HUS1: variants seen among roughly 807,000 people sequenced by gnomAD.
HUS1 encodes checkpoint protein HUS1.
Under a neutral mutation model 32.6 loss-of-function variants are expected in HUS1, and 31 were observed. The observed-to-expected ratio is 0.95, with a 90% CI of 0.72 to 1.28. The LOEUF (loss-of-function observed/expected upper bound fraction) is 1.28, where lower values mean the gene tolerates loss of function less well. Among genes scored for constraint, HUS1 ranks in the 50% most tolerant of loss-of-function variants. The pLI is 0.00. For missense variants in HUS1, 340 were observed against 337.7 expected (o/e 1.01, Z -0.05); for synonymous variants, 123 against 116.6 (o/e 1.06, Z -0.36).
At chr7:47,978,178 G>C in intron 3 of HUS1, 1 of 419,832 alleles carries the variant, frequency 2.4e-6, no homozygotes, top group Non-Finnish European at 4.3e-6. Context: ...GAAACAGAGA[G>C]GCTGGAAGTT....
intron 7 of HUS1, among the ~76,000 whole-genome samples, chr7:47,965,805 CCCAA>C (rs1231570429): frequency 6.6e-6 from 1 of 152,174 alleles, no homozygotes; most frequent in Non-Finnish European, 1.5e-5. Context: ...GCCAGGATCC[CCCAA>C]CACCTGGGGC....
intron 5 of HUS1, among the ~76,000 whole-genome samples, chr7:47,972,194 T>C (rs1397965455): frequency 1.3e-5 from 2 of 152,244 alleles, no homozygotes; most frequent in African/African-American, 2.4e-5. Flanking sequence ...CCTTAGCTCA[T>C]TTGTTCCAAA....
intron 5 of HUS1, among the ~76,000 whole-genome samples, chr7:47,973,610 T>C (rs1182682146): frequency 2.0e-5 from 3 of 152,182 alleles, no homozygotes; most frequent in Non-Finnish European, 4.4e-5. Context: ...TTTCCTTAAT[T>C]CTACTGCCTG....
At position 47,965,303 on chromosome 7, in the gene HUS1, C is replaced by A. The variant is rs1481541050; in HGVS notation, c.*53G>T. The A allele has an allele frequency of 1.7e-6, 2 of 1,171,306 alleles. No homozygotes were observed. Among genetic ancestry groups the A allele is most frequent in the Admixed American group, 1.7e-5 (1 of 59,300 alleles). 72.6% of individuals were successfully genotyped at this position (1,171,306 alleles called of 1,614,324 possible). ...ACCAGTGATCAGAACACAACACCTGCGGCCTCTCCCATCCTGACAAAGTCT... is the reference window on the plus strand; with the variant it reads ...ACCAGTGATCAGAACACAACACCTGAGGCCTCTCCCATCCTGACAAAGTCT... On this transcript the variant is annotated 3_prime_UTR_variant, in exon 8 of 8. Transcript: ENST00000258774.
At position 47,979,529 on chromosome 7, in the gene HUS1, T is replaced by A. The variant is rs374651886; in HGVS notation, c.-10A>T. 5 of 1,602,412 alleles carry A rather than the reference T, an allele frequency of 3.1e-6. No individual in the cohort carries two copies. The highest frequency in any genetic ancestry group is 4.3e-6 in the Non-Finnish European group (5 of 1,175,724). On this transcript the variant is annotated 5_prime_UTR_variant, in exon 1 of 8. Transcript: ENST00000258774. ...TGGCCCGAAACTTCATGGCCGCGGATGGCGCAGCCGCGGCGGGCCTCTGTG... is the reference window on the plus strand; with the variant it reads ...TGGCCCGAAACTTCATGGCCGCGGAAGGCGCAGCCGCGGCGGGCCTCTGTG...
In HUS1 at chr7:47,979,548, C is replaced by T. The variant is rs770905260; in HGVS notation, c.-29G>A. On this transcript the variant is annotated 5_prime_UTR_variant, in exon 1 of 8. Coordinates refer to ENST00000258774, the MANE Select transcript of HUS1 (RefSeq NM_004507.4). ...CGCGGATGGCGCAGCCGCGGCGGGC[C>T]TCTGTGGGTAACAGAAAAGCGTCGC... 31 of 1,579,678 alleles carry T rather than the reference C, an allele frequency of 2.0e-5. No individual in the cohort carries two copies. The highest frequency in any genetic ancestry group is 2.6e-5 in the Non-Finnish European group (30 of 1,152,954).
intron 7 of HUS1, among the ~76,000 whole-genome samples, chr7:47,965,819 C>A (rs556188854): frequency 1.3e-5 from 2 of 152,190 alleles, no homozygotes; most frequent in Non-Finnish European, 2.9e-5. Flanking sequence ...ACACCTGGGG[C>A]AGGCTGTGTC....
At chr7:47,977,165 G>T (rs1285081178) in intron 3 of HUS1, among the ~76,000 whole-genome samples, 1 of 152,128 alleles carries the variant, frequency 6.6e-6, no homozygotes, top group Non-Finnish European at 1.5e-5. Context: ...CAGAGACCAG[G>T]GTGAGTGTGG....
At chr7:47,976,673 A>G (rs1001883004) in intron 4 of HUS1, 57 bp downstream of exon 4, 1 of 940,680 alleles carries the variant, frequency 1.1e-6, no homozygotes, top group Non-Finnish European at 1.7e-6. Context: ...AAAACTAGAG[A>G]ATTCAAGTCA....
rs1287136273 is a variant in HUS1, at chr7:47,965,319, G to GA, written c.*36dup. The GA allele has an allele frequency of 2.1e-6, 3 of 1,457,360 alleles. No homozygotes were observed. Among genetic ancestry groups the GA allele is most frequent in the South Asian group, 2.3e-5 (2 of 88,120 alleles). 90.3% of individuals were successfully genotyped at this position (1,457,360 alleles called of 1,614,324 possible). A position where few individuals can be genotyped will look rare whatever the true frequency, so the allele number is the denominator to read the frequency against. ...CAACACCTGCGGCCTCTCCCATCCTGACAAAGTCTCTGCATGCCAACTCCA... is the reference window on the plus strand; with the variant it reads ...CAACACCTGCGGCCTCTCCCATCCTGAACAAAGTCTCTGCATGCCAACTCCA... On this transcript the variant is annotated 3_prime_UTR_variant, in exon 8 of 8. Transcript: ENST00000258774.
At chr7:47,976,624 G>C in intron 4 of HUS1, 106 bp downstream of exon 4, 3 of 744,808 alleles carry the variant, frequency 4.0e-6, no homozygotes, top group Non-Finnish European at 2.4e-6. Flanking sequence ...TTTTCGTTAA[G>C]TATCCTTTAA....
At chr7:47,977,886 C>A (rs1049680794) in intron 3 of HUS1, among the ~76,000 whole-genome samples, 4 of 151,806 alleles carry the variant, frequency 2.6e-5, no homozygotes, top group Non-Finnish European at 5.9e-5. Context: ...AGAGAGACTC[C>A]GTCTCAAAAA....
At chr7:47,969,446 C>CTT in intron 5 of HUS1, 128 bp from the exon 6 acceptor site, 1 of 625,866 alleles carries the variant, frequency 1.6e-6, no homozygotes, top group East Asian at 3.0e-5. Flanking sequence ...TCAGAGCACA[C>CTT]TGAGACCCCC....
At chr7:47,969,832 A>G (rs973908327) in intron 5 of HUS1, among the ~76,000 whole-genome samples, 1 of 152,224 alleles carries the variant, frequency 6.6e-6, no homozygotes, top group Non-Finnish European at 1.5e-5. Flanking sequence ...GTGAGGATGC[A>G]TGTTTTAATA....
intron 3 of HUS1, 32 bp from the exon 4 acceptor site, chr7:47,976,869 T>A: frequency 6.9e-7 from 1 of 1,445,124 alleles, no homozygotes; most frequent in Non-Finnish European, 9.7e-7. Flanking sequence ...AATATTTTTA[T>A]GTTGTTAATA....
At chr7:47,970,216 G>A (rs1291344622) in intron 5 of HUS1, among the ~76,000 whole-genome samples, 1 of 129,484 alleles carries the variant, frequency 7.7e-6, no homozygotes, top group East Asian at 2.3e-4. Context: ...CTGGGTGAAA[G>A]AGCGAGACTC....
intron 5 of HUS1, among the ~76,000 whole-genome samples, 189 bp downstream of exon 5, chr7:47,975,424 G>A (rs1788682079): frequency 6.6e-6 from 1 of 151,958 alleles, no homozygotes; most frequent in Non-Finnish European, 1.5e-5. Flanking sequence ...AATTAGAGTT[G>A]AAAAGTATTG....
chr7:47,975,318 A>G (rs1442474743), intron 5 of HUS1, among the ~76,000 whole-genome samples: 1 of 129,992 alleles, frequency 7.7e-6, no homozygotes, highest in Non-Finnish European at 1.6e-5. Flanking sequence ...ACTCTGTCTC[A>G]AAAAAAAAAA....
At chr7:47,972,764 A>G (rs953572) in intron 5 of HUS1, among the ~76,000 whole-genome samples, 70,859 of 151,704 alleles carry the variant, frequency 0.47, 17,153 homozygotes, top group East Asian at 0.54. Context: ...GAACCCAGGT[A>G]TGTGGCTCCA....
Sources: gnomAD v4.1 joint callset for allele counts (sites outside exome capture counted in the v4.1 genomes callset) on GRCh38, gnomAD v4.1.1 for gene constraint, MANE v1.5 for transcripts, NCBI Gene and HGNC (gene_info 2026-07-23, HGNC 2026-07-21) for gene names.